The following SULT1C4 variants were observed in gnomAD, a reference collection of about 807,000 sequenced individuals.
SULT1C4 encodes sulfotransferase family 1C member 4.
Under a neutral mutation model 34.8 loss-of-function variants are expected in SULT1C4, and 32 were observed. The observed-to-expected ratio is 0.92, with a 90% confidence interval of 0.69 to 1.23. The LOEUF (loss-of-function observed/expected upper bound fraction) is 1.23. Ranked by LOEUF, SULT1C4 falls within the 50% of genes most tolerant of loss-of-function variation. SULT1C4 has a pLI of 0.00. For missense variants in SULT1C4, 375 were observed against 365.9 expected, an observed-to-expected ratio of 1.02 and a Z score of -0.20; for synonymous variants, 111 against 120.5, an observed-to-expected ratio of 0.92 and a Z score of 0.51.
chr2:108,381,306 C>T (rs1678383921), intron 1 of SULT1C4, among the ~76,000 whole-genome samples: 1 of 152,070 alleles, frequency 6.6e-6, no homozygotes. Context: ...ATAAGGAATG[C>T]TATCTTCTGA....
Position 108,378,179 on chromosome 2 carries a change from A to G in SULT1C4, c.-159A>G, listed in dbSNP as rs56286651. The G allele has an allele frequency of 1.4e-3, 799 of 590,894 alleles. 1 individual carries two copies. The highest frequency in any genetic ancestry group is 6.3e-3 in the African/African-American group (282 of 44,914). The allele number at this position is 590,894 out of a possible 1,614,324, so 36.6% of individuals were successfully genotyped here. Reference sequence around the variant, plus strand: ...TGGAACCTGAGTCGGGAGGCCTGCAACTCACTTTCTCCCTGTTTGCTGGCC... The same window carrying G: ...TGGAACCTGAGTCGGGAGGCCTGCAGCTCACTTTCTCCCTGTTTGCTGGCC... On this transcript the variant is annotated 5_prime_UTR_variant, in exon 1 of 7. Coordinates refer to ENST00000272452, the MANE Select transcript of SULT1C4 (RefSeq NM_006588.4).
intron 1 of SULT1C4, 88 bp downstream of exon 1, chr2:108,378,594 A>T: frequency 6.8e-7 from 1 of 1,461,450 alleles, no homozygotes; most frequent in East Asian, 2.3e-5. Flanking sequence ...AAAGAAGTTG[A>T]TCTGGAAAAC....
intron 5 of SULT1C4, among the ~76,000 whole-genome samples, chr2:108,383,865 T>TG (rs1454618375): frequency 1.3e-5 from 2 of 148,672 alleles, no homozygotes; most frequent in Admixed American, 6.6e-5. Context: ...TTTTTTTTGT[T>TG]TTTGTTTTTG....
intron 3 of SULT1C4, 100 bp from the exon 4 acceptor site, chr2:108,382,993 T>G: frequency 7.9e-7 from 1 of 1,273,240 alleles, no homozygotes; most frequent in Non-Finnish European, 1.0e-6. Flanking sequence ...ATGAAATGTA[T>G]CTACCCTAAC....
chr2:108,384,825 C>T (rs1419334722), intron 5 of SULT1C4, among the ~76,000 whole-genome samples: 2 of 152,118 alleles, frequency 1.3e-5, no homozygotes, highest in African/African-American at 2.4e-5. Context: ...TTGAATTGGT[C>T]GTTGAAAGCC....
At chr2:108,384,444 G>C (rs953148318) in intron 5 of SULT1C4, among the ~76,000 whole-genome samples, 3 of 152,110 alleles carry the variant, frequency 2.0e-5, no homozygotes, top group Admixed American at 1.3e-4. Flanking sequence ...TGTTAGCCAG[G>C]TCTCAATCTC....
chr2:108,378,775 G>A (rs1351879869), intron 1 of SULT1C4, among the ~76,000 whole-genome samples: 1 of 147,638 alleles, frequency 6.8e-6, no homozygotes, highest in African/African-American at 2.5e-5. Context: ...ACAGTTAAGA[G>A]CAAAAGGGTA....
At chr2:108,383,306 G>A in intron 4 of SULT1C4, 87 bp downstream of exon 4, 4 of 1,588,990 alleles carry the variant, frequency 2.5e-6, no homozygotes, top group Non-Finnish European at 3.4e-6. Context: ...GACCAGCAGG[G>A]GCTCTGCCTT....
intron 1 of SULT1C4, among the ~76,000 whole-genome samples, 162 bp downstream of exon 1, chr2:108,378,668 C>G (rs1678309309): frequency 6.6e-6 from 1 of 150,486 alleles, no homozygotes; most frequent in African/African-American, 2.4e-5. Flanking sequence ...CCGAAACATA[C>G]TAAAATGACA....
chr2:108,388,168 G>C lies in SULT1C4; in HGVS notation c.*736G>C, dbSNP rs1029218327. ...TGACTGTTTGTTCCAGCAATTTTTTGGTGGTGAAGTAACCATCAAGTGATT... is the reference window on the plus strand; with the variant it reads ...TGACTGTTTGTTCCAGCAATTTTTTCGTGGTGAAGTAACCATCAAGTGATT... On this transcript the variant is annotated 3_prime_UTR_variant, in exon 7 of 7. Coordinates refer to ENST00000272452, the MANE Select transcript of SULT1C4 (RefSeq NM_006588.4). 10 of 152,036 alleles carry C rather than the reference G, an allele frequency of 6.6e-5. No individual in the cohort carries two copies. The highest frequency in any genetic ancestry group is 2.2e-4 in the African/African-American group (9 of 41,382). 9.4% of individuals were successfully genotyped at this position (152,036 alleles called of 1,614,324 possible).
intron 5 of SULT1C4, 108 bp downstream of exon 5, chr2:108,383,618 T>TGTAACCAATGAAGTGCA: frequency 2.2e-6 from 2 of 895,600 alleles, no homozygotes; most frequent in Non-Finnish European, 3.4e-6. Context: ...CGAAAATTGC[T>TGTAACCAATGAAGTGCA]GCACTTCATT....
In SULT1C4 at chr2:108,387,198, G is replaced by A. The variant is rs3731685; in HGVS notation, c.797-122G>A. The A allele has an allele frequency of 8.2e-4, 568 of 689,544 alleles. 6 individuals carry two copies. In the East Asian group the frequency reaches 0.015, roughly 19 times the overall value. 42.7% of individuals were successfully genotyped at this position (689,544 alleles called of 1,614,324 possible). A position where few individuals can be genotyped will look rare whatever the true frequency, so the allele number is the denominator to read the frequency against. ...GAAGTGACAGGATAGCAAGAGAAAC[G>A]TTTTGTCCAATACTGCCCTTCCTAG... On this transcript the variant is annotated intron_variant, in intron 6 of 6. Coordinates refer to ENST00000272452, the MANE Select transcript of SULT1C4 (RefSeq NM_006588.4).
chr2:108,381,396 G>A (rs555102194), intron 1 of SULT1C4, among the ~76,000 whole-genome samples: 3 of 152,208 alleles, frequency 2.0e-5, no homozygotes, highest in African/African-American at 7.2e-5. Flanking sequence ...CAGCATTTTA[G>A]GAGGCCGAGG....
In SULT1C4 at chr2:108,380,541, T is replaced by C. The variant is rs141464680; in HGVS notation, c.170-1221T>C. 1.8e-3 allele frequency among the ~76,000 whole-genome samples: 279 copies of C among 152,118 alleles called. No individual in the cohort carries two copies. The Middle Eastern group carries it at 0.031, about 17-fold the overall frequency. On this transcript the variant is annotated intron_variant, in intron 1 of 6. Transcript: ENST00000272452. ...GAAAAATAAAAAATAAAAAAAGCCA[T>C]CCTAAAATAACTCAACATCCTCCTA... is the stretch of plus-strand genomic sequence containing the variant.
In SULT1C4 at chr2:108,388,609, G is replaced by A. The variant is rs892437212; in HGVS notation, c.*1177G>A. On this transcript the variant is annotated 3_prime_UTR_variant, in exon 7 of 7. Transcript: ENST00000272452. The stretch of plus-strand genomic sequence containing the variant: ...TTCCTTAGCTCAAAATCCTTCAATG[G>A]CTGAACTTTCACTGCCTGAAAGATA... 1.3e-5 allele frequency among the ~76,000 whole-genome samples: 2 copies of A among 152,044 alleles called. No homozygotes were observed. The highest frequency in any genetic ancestry group is 2.9e-5 in the Non-Finnish European group (2 of 68,024).
chr2:108,382,107 A>G (rs1451958771), intron 2 of SULT1C4: 3 of 570,020 alleles, frequency 5.3e-6, no homozygotes, highest in Middle Eastern at 4.7e-4. Flanking sequence ...CTAGTTAGAA[A>G]TTAATTTTAC....
Position 108,378,236 on chromosome 2 carries a change from G to T in SULT1C4, c.-102G>T. Reference sequence around the variant, plus strand: ...GGCCTGTGCTAGAGGGCTGGATAGTGTGGTAGTGTGGTGGATAGAGTGCTG... The same window carrying T: ...GGCCTGTGCTAGAGGGCTGGATAGTTTGGTAGTGTGGTGGATAGAGTGCTG... On this transcript the variant is annotated 5_prime_UTR_variant, in exon 1 of 7. Transcript: ENST00000272452. The T allele has an allele frequency of 8.6e-7, 1 of 1,160,462 alleles. No homozygotes were observed. Among genetic ancestry groups the T allele is most frequent in the Non-Finnish European group, 1.2e-6 (1 of 806,152 alleles). The allele number at this position is 1,160,462 out of a possible 1,614,324, so 71.9% of individuals were successfully genotyped here. A position where few individuals can be genotyped will look rare whatever the true frequency, so the allele number is the denominator to read the frequency against.
At chr2:108,382,508 T>C (rs374220220) in intron 3 of SULT1C4, 26 bp downstream of exon 3, 71 of 1,579,744 alleles carry the variant, frequency 4.5e-5, no homozygotes, top group Non-Finnish European at 5.6e-5. Context: ...GAATTCAGAG[T>C]TGTACTCCTT....
At chr2:108,386,853 T>G (rs1678579867) in intron 6 of SULT1C4, among the ~76,000 whole-genome samples, 1 of 152,186 alleles carries the variant, frequency 6.6e-6, no homozygotes, top group Admixed American at 6.5e-5. Flanking sequence ...ATAGATAACA[T>G]TAAGAAAAAC....
Sources: gnomAD v4.1 joint callset for allele counts (sites outside exome capture counted in the v4.1 genomes callset) on GRCh38, gnomAD v4.1.1 for gene constraint, MANE v1.5 for transcripts, NCBI Gene and HGNC (gene_info 2026-07-23, HGNC 2026-07-21) for gene names.